RTTN: variants seen among roughly 807,000 people sequenced by gnomAD.
RTTN encodes the protein rotatin.
In RTTN, 182 loss-of-function variants were observed where a neutral mutation model predicts 269.2. The ratio of observed to expected loss-of-function variants is 0.68; its 90% CI spans 0.60 to 0.76. The LOEUF (loss-of-function observed/expected upper bound fraction) is 0.76. Ranked by LOEUF, RTTN falls within the 30% of genes least tolerant of loss-of-function variation. The pLI is 0.00. For synonymous variants in RTTN, 1,006 were observed against 963.5 expected (o/e 1.04, Z -0.82); for missense variants, 2,545 against 2,608.6 (o/e 0.98, Z 0.53).
At chr18:70,149,362 C>T (rs527616720) in intron 16 of RTTN, among the ~76,000 whole-genome samples, 4 of 151,952 alleles carry the variant, frequency 2.6e-5, no homozygotes, top group African/African-American at 7.2e-5. Flanking sequence ...CCATCCCCAC[C>T]CTAAGAAGAT....
At chr18:70,169,139 G>T in intron 11 of RTTN, 72 bp from the exon 12 acceptor site, 3 of 1,122,928 alleles carry the variant, frequency 2.7e-6, no homozygotes, top group Non-Finnish European at 3.7e-6. Context: ...AACATAGTGG[G>T]CTATAGTCTT....
intron 19 of RTTN, among the ~76,000 whole-genome samples, chr18:70,140,739 A>G (rs1490227517): frequency 2.0e-5 from 3 of 152,150 alleles, no homozygotes; most frequent in African/African-American, 7.2e-5. Flanking sequence ...ATATATTCAC[A>G]TATTATGTTT....
chr18:70,104,813 A>C (rs1292238710), intron 28 of RTTN, among the ~76,000 whole-genome samples: 1 of 152,126 alleles, frequency 6.6e-6, no homozygotes, highest in Admixed American at 6.5e-5. Flanking sequence ...AGAAGAGCAA[A>C]TGTTACAGAA....
Position 70,057,763 on chromosome 18 carries a change from T to C in RTTN, c.5010A>G (p.Pro1670=). 1 of 1,613,740 alleles carries C rather than the reference T, an allele frequency of 6.2e-7. No homozygotes were observed. Among genetic ancestry groups the C allele is most frequent in the Non-Finnish European group, 8.5e-7 (1 of 1,179,746 alleles). ...TTACCTGAGCCTGAGTGTGTTCAGC[T>C]GGAGGTGATGAAGGCAGCAGGGCTC... ...ELRALLPSSP[P]AEHTQAQVSF... is the part of the protein sequence containing the mutation. The change falls in exon 37 of 49, where the codon CCA becomes CCG. Residue 1670 remains proline (P), a synonymous_variant. Transcript: ENST00000640769.
intron 10 of RTTN, among the ~76,000 whole-genome samples, chr18:70,177,891 A>C (rs1306514774): frequency 6.6e-6 from 1 of 152,152 alleles, no homozygotes; most frequent in Non-Finnish European, 1.5e-5. Flanking sequence ...CCTCAAAAAA[A>C]CACAGAATTA....
chr18:70,198,591 C>G (rs1318361928), intron 5 of RTTN, among the ~76,000 whole-genome samples: 1 of 152,104 alleles, frequency 6.6e-6, no homozygotes, highest in African/African-American at 2.4e-5. Flanking sequence ...TGAAACTGCA[C>G]AAAGTGAATC....
intron 35 of RTTN, chr18:70,061,216 C>T: frequency 2.7e-6 from 1 of 372,284 alleles, no homozygotes; most frequent in Non-Finnish European, 5.3e-6. Flanking sequence ...TGAGAGCTCC[C>T]TTTTCTCCAA....
intron 5 of RTTN, among the ~76,000 whole-genome samples, chr18:70,198,506 A>T (rs916993564): frequency 6.6e-6 from 1 of 152,200 alleles, no homozygotes; most frequent in African/African-American, 2.4e-5. Flanking sequence ...ATCTGGACTT[A>T]GCCCTAGTAA....
chr18:70,087,663 C>T (rs2058736311), intron 31 of RTTN, among the ~76,000 whole-genome samples: 1 of 152,044 alleles, frequency 6.6e-6, no homozygotes, highest in South Asian at 2.1e-4. Flanking sequence ...CTTATCTATA[C>T]TAAAGCTTCA....
intron 32 of RTTN, among the ~76,000 whole-genome samples, chr18:70,078,241 T>G (rs1212545432): frequency 6.6e-6 from 1 of 151,990 alleles, no homozygotes; most frequent in Non-Finnish European, 1.5e-5. Context: ...GATGCTAGAA[T>G]ACAGTGAAGC....
intron 28 of RTTN, 115 bp downstream of exon 28, chr18:70,109,383 T>C (rs1179341137): frequency 8.5e-6 from 6 of 705,656 alleles, no homozygotes; most frequent in African/African-American, 5.4e-5. Flanking sequence ...TTATGACTTA[T>C]ATAAATAATG....
At chr18:70,141,195 ACT>A (rs1160478200) in intron 19 of RTTN, among the ~76,000 whole-genome samples, 7 of 152,098 alleles carry the variant, frequency 4.6e-5, no homozygotes, top group Non-Finnish European at 1.0e-4. Flanking sequence ...TTTTCAAATA[ACT>A]CTCTCATTCC....
At chr18:70,117,215 T>C (rs957093500) in intron 26 of RTTN, among the ~76,000 whole-genome samples, 5 of 152,106 alleles carry the variant, frequency 3.3e-5, no homozygotes, top group African/African-American at 9.7e-5. Context: ...ACCACAACTT[T>C]TGTATATCTT....
At position 70,121,564 on chromosome 18, in the gene RTTN, GAAGT is replaced by G. The variant is rs779565949; in HGVS notation, c.3516_3519del (p.Leu1172PhefsTer10). The G allele has an allele frequency of 2.6e-6, 4 of 1,563,046 alleles. No individual in the cohort carries two copies. The highest frequency in any genetic ancestry group is 2.2e-5 in the Admixed American group (1 of 45,290). On this transcript the variant is annotated frameshift_variant, in exon 26 of 49. Transcript: ENST00000640769. LOFTEE classifies it high-confidence loss of function. ...TCCTTAACACCACTTACATGTCTAA[GAAGT>G]AATTCGAGAATCCAGTTTAGAAGTT...
intron 31 of RTTN, among the ~76,000 whole-genome samples, chr18:70,087,252 C>G (rs1158489179): frequency 6.6e-6 from 1 of 152,058 alleles, no homozygotes; most frequent in Non-Finnish European, 1.5e-5. Flanking sequence ...GATGAAATAA[C>G]CATAATGGGA....
intron 21 of RTTN, among the ~76,000 whole-genome samples, chr18:70,137,485 T>C (rs2060152724): frequency 6.6e-6 from 1 of 152,176 alleles, no homozygotes. Flanking sequence ...CATACTCCCC[T>C]GTTTAACAAC....
Position 70,020,662 on chromosome 18 carries a change from G to C in RTTN, c.6106C>G (p.Leu2036Val). The C allele has an allele frequency of 6.2e-7, 1 of 1,614,048 alleles. No individual in the cohort carries two copies. The highest frequency in any genetic ancestry group is 2.2e-5 in the East Asian group (1 of 44,882). ...TTVQQMVFML[L>V]SNLALSHDCK... Reference sequence around the variant, plus strand: ...TCATGCGACAAGGCCAGGTTTGAAAGAAGCATAAAAACCATCTGCTGAACC... The same window carrying C: ...TCATGCGACAAGGCCAGGTTTGAAACAAGCATAAAAACCATCTGCTGAACC... The change falls in exon 45 of 49, where the codon CTT (leucine) becomes GTT (valine). Residue 2036 changes from leucine to valine, a missense_variant. Transcript: ENST00000640769.
At position 70,059,896 on chromosome 18, in the gene RTTN, T is replaced by C. The variant is rs753532512; in HGVS notation, c.4894A>G (p.Thr1632Ala). Reference sequence around the variant, plus strand: ...TGAGCTTGTCGAAAAGCCTTTGCAGTGTCTCTGGGAGCAATCGTCAAGAGG... The same window carrying C: ...TGAGCTTGTCGAAAAGCCTTTGCAGCGTCTCTGGGAGCAATCGTCAAGAGG... Reference protein sequence around the residue: ...DNLLTIAPRDTAKAFRQAHLI... With the variant: ...DNLLTIAPRDAAKAFRQAHLI... Residue 1632 changes from threonine (T) to alanine (A), a missense_variant, in exon 36 of 49, where the codon ACT (threonine) becomes GCT (alanine). Coordinates refer to ENST00000640769, the MANE Select transcript of RTTN (RefSeq NM_173630.4). 1.4e-5 allele frequency: 22 copies of C among 1,612,510 alleles called. No individual in the cohort carries two copies. In the African/African-American group the frequency reaches 2.8e-4, roughly 21 times the overall value.
At position 70,099,536 on chromosome 18, in the gene RTTN, T is replaced by C. The variant is rs781528970; in HGVS notation, c.3904-6732A>G. ...TTTCTCCCATTCTGTAGGTTGCCTG[T>C]TCACTCTGATGGTAGTTTCTTTTGC... On this transcript the variant is annotated intron_variant, in intron 28 of 48. Coordinates refer to ENST00000640769, the MANE Select transcript of RTTN (RefSeq NM_173630.4). 6.0e-4 allele frequency among the ~76,000 whole-genome samples: 91 copies of C among 152,324 alleles called. 1 individual carries two copies. Among genetic ancestry groups the C allele is most frequent in the Non-Finnish European group, 1.0e-3 (68 of 68,018 alleles).
Sources: allele counts gnomAD v4.1 joint callset (sites outside exome capture counted in the v4.1 genomes callset), GRCh38; gene constraint gnomAD v4.1.1; transcripts MANE v1.5; gene names NCBI Gene and HGNC (gene_info 2026-07-23, HGNC 2026-07-21).